The following FLNB variants were observed in gnomAD, a reference collection of about 807,000 sequenced individuals.
FLNB encodes the protein filamin B.
FLNB carries 111 observed loss-of-function variants against 250.6 expected under a neutral mutation model. The ratio of observed to expected loss-of-function variants is 0.44; its 90% confidence interval spans 0.38 to 0.52. The LOEUF is 0.52. Ranked by LOEUF, FLNB falls within the 20% of genes least tolerant of loss-of-function variation. The probability of loss-of-function intolerance (pLI) is 0.00; values close to 1 mark genes in which losing one functional copy is unlikely to be tolerated. For missense variants in FLNB, 2,869 were observed against 3,447.8 expected, an observed-to-expected ratio of 0.83 and a Z score of 4.20; for synonymous variants, 1,302 against 1,372.1, an observed-to-expected ratio of 0.95 and a Z score of 1.13.
rs570154219 is a variant in FLNB, at chr3:58,088,077, T to C, written c.787+6301T>C. 8.2e-5 allele frequency among the ~76,000 whole-genome samples: 12 copies of C among 146,106 alleles called. No homozygotes were observed. In the East Asian group the frequency reaches 1.8e-3, roughly 22 times the overall value. ...TTTTTTTTTGCTGAAGTTTCACTTC[T>C]GTTTCACAGGTTGGAGTGCAATGGT... On this transcript the variant is annotated intron_variant, in intron 4 of 45. Coordinates refer to ENST00000295956, the MANE Select transcript of FLNB (RefSeq NM_001457.4).
intron 36 of FLNB, chr3:58,149,633 T>C: frequency 1.6e-6 from 1 of 608,000 alleles, no homozygotes. Context: ...GCTTCTGTGG[T>C]CAAAACCAGG....
chr3:58,120,748 G>A (rs891150720), intron 19 of FLNB, among the ~76,000 whole-genome samples: 7 of 152,188 alleles, frequency 4.6e-5, no homozygotes, highest in African/African-American at 1.7e-4. Context: ...AACACCAAAA[G>A]TAAGTAAATA....
intron 43 of FLNB, among the ~76,000 whole-genome samples, chr3:58,166,905 C>T (rs1193584945): frequency 1.3e-5 from 2 of 151,918 alleles, no homozygotes; most frequent in Non-Finnish European, 2.9e-5. Flanking sequence ...GTGGGCAGAT[C>T]ACTTGAGGTC....
intron 11 of FLNB, 97 bp from the exon 12 acceptor site, chr3:58,106,583 T>C: frequency 8.6e-7 from 1 of 1,157,272 alleles, no homozygotes; most frequent in Non-Finnish European, 1.3e-6. Context: ...TGGCCAACAC[T>C]TGGCTTTTAG....
chr3:58,136,138 A>G lies in FLNB; in HGVS notation c.4831A>G (p.Thr1611Ala), dbSNP rs767353758. 1 of 1,614,178 alleles carries G rather than the reference A, an allele frequency of 6.2e-7. No individual in the cohort carries two copies. The highest frequency in any genetic ancestry group is 1.1e-5 in the South Asian group (1 of 91,080). ...LSPYRIRATQ[T>A]GDASKCLATG... ...TCCTTATCGCATCCGAGCCACACAG[A>G]CGGGTGATGCCAGCAAGTGCCTGGC... Residue 1611 changes from threonine to alanine, a missense_variant, in exon 28 of 46, where the codon ACG (threonine) becomes GCG (alanine). Coordinates refer to ENST00000295956, the MANE Select transcript of FLNB (RefSeq NM_001457.4).
At chr3:58,019,707 A>G (rs757316292) in intron 1 of FLNB, among the ~76,000 whole-genome samples, 1 of 152,108 alleles carries the variant, frequency 6.6e-6, no homozygotes, top group African/African-American at 2.4e-5. Context: ...CTTTGCTCCA[A>G]ACTTTACTCA....
At position 58,132,818 on chromosome 3, in the gene FLNB, G is replaced by A. The variant is rs755999545; in HGVS notation, c.4401G>A (p.Glu1467=). 7 of 1,614,138 alleles carry A rather than the reference G, an allele frequency of 4.3e-6. No homozygotes were observed. The South Asian group carries it at 7.7e-5, about 18-fold the overall frequency. ...CATCTCTGTCCTCAGGCTTGGTGGAGCCAGTGAACGTGGTGGACAATGGAG... is the reference window on the plus strand; with the variant it reads ...CATCTCTGTCCTCAGGCTTGGTGGAACCAGTGAACGTGGTGGACAATGGAG... ...VRVLGPRGLV[E]PVNVVDNGDG... The change falls in exon 26 of 46, where the codon GAG becomes GAA. Residue 1467 remains glutamate (E), a synonymous_variant. Coordinates refer to ENST00000295956, the MANE Select transcript of FLNB (RefSeq NM_001457.4).
At chr3:58,069,537 G>C (rs1049409529) in intron 1 of FLNB, among the ~76,000 whole-genome samples, 1 of 152,080 alleles carries the variant, frequency 6.6e-6, no homozygotes, top group East Asian at 1.9e-4. Flanking sequence ...CACCATGCCC[G>C]GCCCATAGTT....
At chr3:58,050,211 G>C (rs1227591239) in intron 1 of FLNB, among the ~76,000 whole-genome samples, 1 of 151,918 alleles carries the variant, frequency 6.6e-6, no homozygotes, top group Admixed American at 6.6e-5. Context: ...TGTATTTTTA[G>C]TACAGACGGG....
At chr3:58,088,864 C>T (rs1274555125) in intron 4 of FLNB, among the ~76,000 whole-genome samples, 2 of 152,172 alleles carry the variant, frequency 1.3e-5, no homozygotes, top group Non-Finnish European at 2.9e-5. Flanking sequence ...CATGGAGGAG[C>T]AGTAATGAGG....
rs1264942441 is a variant in FLNB at position 58,149,993 on chromosome 3, C to T, written c.6235C>T (p.His2079Tyr). Residue 2079 changes from histidine (H) to tyrosine (Y), a missense_variant, in exon 37 of 46, where the codon CAC becomes TAC. By Grantham distance (83) the His-to-Tyr change is moderately conservative (BLOSUM62 2). Coordinates refer to ENST00000295956, the MANE Select transcript of FLNB (RefSeq NM_001457.4). ...CGTCTCCACCAAATTCGCTGACGAG[C>T]ACGTGCCTGGTATGTGCATTCCATT... The part of the protein sequence containing the change: ...YIVSTKFADE[H>Y]VPGSPFTVKI... 2 of 1,614,286 alleles carry T rather than the reference C, an allele frequency of 1.2e-6. No individual in the cohort carries two copies. Among genetic ancestry groups the T allele is most frequent in the South Asian group, 1.1e-5 (1 of 91,090 alleles).
intron 1 of FLNB, among the ~76,000 whole-genome samples, chr3:58,044,800 C>T (rs1267507816): frequency 1.3e-5 from 2 of 152,140 alleles, no homozygotes; most frequent in African/African-American, 4.8e-5. Flanking sequence ...CCAGTGTGGG[C>T]CCTTCCTTCC....
At chr3:58,010,929 G>A (rs942045665) in intron 1 of FLNB, among the ~76,000 whole-genome samples, 6 of 151,980 alleles carry the variant, frequency 3.9e-5, no homozygotes, top group African/African-American at 9.6e-5. Flanking sequence ...CCACCGCCCC[G>A]CCTGGAGATG....
intron 1 of FLNB, among the ~76,000 whole-genome samples, chr3:58,057,939 C>T (rs758927151): frequency 9.9e-5 from 15 of 151,978 alleles, no homozygotes; most frequent in Non-Finnish European, 1.3e-4. Flanking sequence ...TACAGGCATG[C>T]GCCACCACGC....
At chr3:58,132,414 A>C (rs1575439851) in intron 25 of FLNB, 1 of 401,494 alleles carries the variant, frequency 2.5e-6, no homozygotes. Flanking sequence ...ACAATTCTGG[A>C]CTCTTTGGCA....
intron 1 of FLNB, among the ~76,000 whole-genome samples, chr3:58,058,044 C>T (rs999892442): frequency 1.3e-5 from 2 of 152,194 alleles, no homozygotes; most frequent in Non-Finnish European, 2.9e-5. Flanking sequence ...CTGCCTTGGC[C>T]TCCTAAAGTG....
intron 4 of FLNB, among the ~76,000 whole-genome samples, chr3:58,083,632 G>A (rs1369548695): frequency 2.6e-5 from 4 of 152,014 alleles, no homozygotes; most frequent in East Asian, 3.9e-4. Context: ...CTCCCAATCC[G>A]CTTATTCTTA....
At chr3:58,018,507 GTATTTT>G (rs1162435261) in intron 1 of FLNB, among the ~76,000 whole-genome samples, 1 of 149,248 alleles carries the variant, frequency 6.7e-6, no homozygotes, top group East Asian at 2.0e-4. Flanking sequence ...GCTAGTTTTG[GTATTTT>G]TATTTTTATT....
chr3:58,157,684 C>A (rs2097355349), intron 41 of FLNB, among the ~76,000 whole-genome samples: 1 of 152,226 alleles, frequency 6.6e-6, no homozygotes. Context: ...GAGCTGCCCT[C>A]ATGCATCTCG....
Sources: gnomAD v4.1 joint callset for allele counts (sites outside exome capture counted in the v4.1 genomes callset) on GRCh38, gnomAD v4.1.1 for gene constraint, MANE v1.5 for transcripts, NCBI Gene and HGNC (gene_info 2026-07-23, HGNC 2026-07-21) for gene names.